The following LYN variants were observed in gnomAD, a reference collection of about 807,000 sequenced individuals.
The protein encoded by LYN is tyrosine-protein kinase Lyn.
A neutral mutation model predicts 65.0 loss-of-function variants in LYN; 12 were observed. That is an observed-to-expected ratio of 0.18 (90% CI 0.12 to 0.30). LYN has a LOEUF of 0.30. LYN is among the 10% of genes least tolerant of loss of function. LYN has a pLI of 1.00. For synonymous variants in LYN, 222 were observed against 221.2 expected (o/e 1.00, Z -0.03); for missense variants, 380 against 623.2 (o/e 0.61, Z 4.16).
chr8:55,959,622 GA>G (rs1807218170), intron 8 of LYN, among the ~76,000 whole-genome samples: 1 of 152,086 alleles, frequency 6.6e-6, no homozygotes, highest in Non-Finnish European at 1.5e-5. Flanking sequence ...TTTATTTTGA[GA>G]TAATTGTGGA....
chr8:55,897,591 T>A (rs187392142), intron 1 of LYN, among the ~76,000 whole-genome samples: 1 of 152,184 alleles, frequency 6.6e-6, no homozygotes, highest in Non-Finnish European at 1.5e-5. Context: ...TCTTTAGTAA[T>A]GGGATATAAG....
intron 8 of LYN, among the ~76,000 whole-genome samples, chr8:55,957,357 A>G (rs1461893147): frequency 6.6e-6 from 1 of 152,220 alleles, no homozygotes; most frequent in East Asian, 1.9e-4. Flanking sequence ...AGAGCCATAA[A>G]TAATCCAATT....
At chr8:56,008,124 A>AAAAAAAAAATAAAATAAAAT (rs1221275260) in intron 12 of LYN, among the ~76,000 whole-genome samples, 37 of 86,720 alleles carry the variant, frequency 4.3e-4, no homozygotes, top group African/African-American at 1.5e-3. Flanking sequence ...GCCTCAAAAA[A>AAAAAAAAAATAAAATAAAAT]AAAATAAAAT....
At position 55,911,104 on chromosome 8, in the gene LYN, C is replaced by T. The variant is rs55914142; in HGVS notation, c.-5-30751C>T. Among the ~76,000 whole-genome samples, 11 of 1,460 alleles carry T rather than the reference C, an allele frequency of 7.5e-3. 3 individuals carry two copies. Among genetic ancestry groups the T allele is most frequent in the Non-Finnish European group, 0.011 (8 of 726 alleles). The allele number at this position is 1,460 out of a possible 152,430, so 1.0% of individuals were successfully genotyped here. ...ATACATATATATATATATATACATA[C>T]ACGTATATATACGTATATATATACA... On this transcript the variant is annotated intron_variant, in intron 1 of 12. Coordinates refer to ENST00000519728, the MANE Select transcript of LYN (RefSeq NM_002350.4).
intron 8 of LYN, among the ~76,000 whole-genome samples, chr8:55,965,798 C>T (rs1308890350): frequency 1.3e-5 from 2 of 151,610 alleles, no homozygotes; most frequent in African/African-American, 2.4e-5. Context: ...TTTTTTTGGT[C>T]TTGAATAAAG....
At chr8:55,921,398 G>C (rs762600816) in intron 1 of LYN, among the ~76,000 whole-genome samples, 4 of 152,178 alleles carry the variant, frequency 2.6e-5, no homozygotes, top group East Asian at 1.9e-4. Flanking sequence ...AGCTATACAC[G>C]TACTAACTGA....
intron 1 of LYN, among the ~76,000 whole-genome samples, chr8:55,917,813 A>G (rs1259074669): frequency 3.3e-5 from 5 of 152,368 alleles, no homozygotes; most frequent in East Asian, 1.9e-4. Context: ...GAGATATTCA[A>G]TGGCAGAGGC....
chr8:55,953,413 G>A (rs759912691), intron 7 of LYN, among the ~76,000 whole-genome samples: 16 of 152,118 alleles, frequency 1.1e-4, no homozygotes, highest in Non-Finnish European at 2.2e-4. Flanking sequence ...TTGGGAGGCC[G>A]AGGCGGGTGG....
Position 55,992,372 on chromosome 8 carries a change from T to C in LYN, c.1051-5974T>C, listed in dbSNP as rs961904251. Among the ~76,000 whole-genome samples, 47 of 152,160 alleles carry C rather than the reference T, an allele frequency of 3.1e-4. 1 individual carries two copies. The highest frequency in any genetic ancestry group is 1.1e-3 in the African/African-American group (45 of 41,428). Reference sequence around the variant, plus strand: ...CCATGAGGCCCACAGGGTCCTGACCTAAGTTGCAGGAAAAACAAGCTCAAG... The same window carrying C: ...CCATGAGGCCCACAGGGTCCTGACCCAAGTTGCAGGAAAAACAAGCTCAAG... On this transcript the variant is annotated intron_variant, in intron 10 of 12. Transcript: ENST00000519728.
chr8:55,889,529 G>A (rs1804893257), intron 1 of LYN, among the ~76,000 whole-genome samples: 1 of 152,216 alleles, frequency 6.6e-6, no homozygotes, highest in African/African-American at 2.4e-5. Context: ...ATCGAGTGCT[G>A]TATGTCATGA....
chr8:55,950,106 A>T (rs144266900), intron 4 of LYN, among the ~76,000 whole-genome samples: 48 of 152,326 alleles, frequency 3.2e-4, no homozygotes, highest in African/African-American at 1.2e-3. Flanking sequence ...TCAGCACTCC[A>T]TTCCTTTCAC....
chr8:56,002,385 A>G (rs1808539034), intron 12 of LYN, among the ~76,000 whole-genome samples: 1 of 151,800 alleles, frequency 6.6e-6, no homozygotes, highest in Admixed American at 6.6e-5. Context: ...CGCCACTGCA[A>G]TCCAGCCTGG....
At chr8:55,885,742 G>T (rs1340802905) in intron 1 of LYN, among the ~76,000 whole-genome samples, 2 of 152,164 alleles carry the variant, frequency 1.3e-5, no homozygotes, top group Admixed American at 6.6e-5. Flanking sequence ...GCTTTCCAGG[G>T]GGAAGCTGTG....
intron 1 of LYN, among the ~76,000 whole-genome samples, chr8:55,883,707 G>A (rs1327191789): frequency 6.6e-6 from 1 of 152,166 alleles, no homozygotes; most frequent in Non-Finnish European, 1.5e-5. Context: ...AAATTAAGGA[G>A]ACAGGGCTCA....
In LYN at chr8:56,013,890, C is replaced by G. The variant is rs574808487; in HGVS notation, c.*3780C>G. On this transcript the variant is annotated 3_prime_UTR_variant, in exon 13 of 13. Coordinates refer to ENST00000519728, the MANE Select transcript of LYN (RefSeq NM_002350.4). ...GTTCTCTATTCCCTACATTTTAACT[C>G]CACGAATATTTTAGATTAAGTGAAG... is the stretch of plus-strand genomic sequence containing the variant. The G allele has an allele frequency of 7.9e-5, 12 of 152,338 alleles. No individual in the cohort carries two copies. The highest frequency in any genetic ancestry group is 5.9e-4 in the Admixed American group (9 of 15,306). The allele number at this position is 152,338 out of a possible 1,614,324, so 9.4% of individuals were successfully genotyped here. A position where few individuals can be genotyped will look rare whatever the true frequency, so the allele number is the denominator to read the frequency against.
Position 55,916,864 on chromosome 8 carries a change from AT to A in LYN, c.-5-24982del, listed in dbSNP as rs200330540. ...GGATAGTTATTATTTTGAGACTGCT[AT>A]TTTTTTTTCTCTTTTTTAAAAACAG... On this transcript the variant is annotated intron_variant, in intron 1 of 12. Coordinates refer to ENST00000519728, the MANE Select transcript of LYN (RefSeq NM_002350.4). 3.8e-4 allele frequency among the ~76,000 whole-genome samples: 57 copies of A among 150,958 alleles called. 1 individual carries two copies. The highest frequency in any genetic ancestry group is 1.3e-3 in the African/African-American group (53 of 41,026).
chr8:55,909,019 ACACACACACACAC>A (rs1805516826), intron 1 of LYN, among the ~76,000 whole-genome samples: 1 of 35,104 alleles, frequency 2.8e-5, no homozygotes, highest in African/African-American at 1.5e-4. Context: ...ATACACACAC[ACACACACACACAC>A]ACACACACAC....
At chr8:55,966,647 T>G in intron 8 of LYN, 68 bp from the exon 9 acceptor site, 1 of 1,424,824 alleles carries the variant, frequency 7.0e-7, no homozygotes, top group Non-Finnish European at 9.7e-7. Context: ...GGATTATAGG[T>G]GTGAGCCACC....
chr8:55,917,188 AAGAG>A (rs200328994), intron 1 of LYN, among the ~76,000 whole-genome samples: 178 of 151,112 alleles, frequency 1.2e-3, no homozygotes, highest in African/African-American at 4.0e-3. Flanking sequence ...AAAAAAAAAA[AAGAG>A]AGAGAGAGAG....
Sources: gnomAD v4.1 joint callset for allele counts (sites outside exome capture counted in the v4.1 genomes callset) on GRCh38, gnomAD v4.1.1 for gene constraint, MANE v1.5 for transcripts, NCBI Gene and HGNC (gene_info 2026-07-23, HGNC 2026-07-21) for gene names.